Variants in SHISA4 observed in about 807,000 individuals in gnomAD.
The protein encoded by SHISA4 is protein shisa-4.
SHISA4 carries 16 observed loss-of-function variants against 24.2 expected under a neutral mutation model. The ratio of observed to expected loss-of-function variants is 0.66; its 90% CI spans 0.45 to 1.00. SHISA4 has a LOEUF of 1.00. Among genes scored for constraint, SHISA4 ranks in the 50% least tolerant of loss-of-function variants. The pLI, the probability that SHISA4 is intolerant of heterozygous loss-of-function variation, is 0.00. For synonymous variants in SHISA4, 106 were observed against 105.4 expected (o/e 1.01, Z -0.04); for missense variants, 238 against 258.9 (o/e 0.92, Z 0.55).
chr1:201,891,473 C>G lies in SHISA4; in HGVS notation c.452C>G (p.Pro151Arg), dbSNP rs146890618. 26 of 1,613,766 alleles carry G rather than the reference C, an allele frequency of 1.6e-5. No homozygotes were observed. The highest frequency in any genetic ancestry group is 1.6e-4 in the Middle Eastern group (1 of 6,080). ...YPYPQDPKAGPAPPQPGFIYP... is the reference protein window; with the variant it reads ...YPYPQDPKAGRAPPQPGFIYP... ...TACCCCCAGGACCCCAAAGCTGGCCCTGCACCCCCACAGCCTGGCTTCATA... is the reference window on the plus strand; with the variant it reads ...TACCCCCAGGACCCCAAAGCTGGCCGTGCACCCCCACAGCCTGGCTTCATA... The change falls in exon 4 of 5, where the codon CCT becomes CGT. Residue 151 changes from proline to arginine, a missense_variant. By Grantham distance (103) the Pro-to-Arg change is moderately radical. Transcript: ENST00000362011.
chr1:201,891,644 C>A, intron 4 of SHISA4, 76 bp downstream of exon 4: 1 of 1,542,208 alleles, frequency 6.5e-7, no homozygotes, highest in South Asian at 1.2e-5. Flanking sequence ...GTGCCTCTCT[C>A]ATTCTCAGAT....
At chr1:201,890,071 CTT>C (rs1394440443) in intron 2 of SHISA4, among the ~76,000 whole-genome samples, 1 of 151,992 alleles carries the variant, frequency 6.6e-6, no homozygotes. Context: ...GGTTGTCAAA[CTT>C]TTTTTTAATA....
At chr1:201,889,704 C>T (rs1449244568) in intron 2 of SHISA4, 88 bp downstream of exon 2, 2 of 1,451,342 alleles carry the variant, frequency 1.4e-6, no homozygotes, top group African/African-American at 2.8e-5. Context: ...CCTGCCTCCT[C>T]CGTTGTCGAC....
intron 3 of SHISA4, among the ~76,000 whole-genome samples, chr1:201,890,865 T>C (rs1435868595): frequency 6.6e-6 from 1 of 152,160 alleles, no homozygotes; most frequent in Non-Finnish European, 1.5e-5. Context: ...GTGGGTGCAG[T>C]GGGTGTATGC....
chr1:201,889,366 C>T, intron 1 of SHISA4, 79 bp from the exon 2 acceptor site: 1 of 1,575,220 alleles, frequency 6.3e-7, no homozygotes, highest in Admixed American at 1.7e-5. Context: ...GGCTGGGGAC[C>T]GCCGGGGGAG....
chr1:201,890,333 A>G, intron 2 of SHISA4, 121 bp from the exon 3 acceptor site: 2 of 1,358,282 alleles, frequency 1.5e-6, no homozygotes, highest in Non-Finnish European at 2.0e-6. Context: ...GCAGAGCCCC[A>G]CAAGGAACCC....
rs1356602602 is a variant in SHISA4, at chr1:201,891,837, G to A, written c.585G>A (p.Pro195=). The A allele has an allele frequency of 9.3e-6, 15 of 1,613,822 alleles. No homozygotes were observed. Among genetic ancestry groups the A allele is most frequent in the African/African-American group, 4.0e-5 (3 of 74,860 alleles). Residue 195 remains proline (P), a synonymous_variant, in exon 5 of 5, where the codon CCG becomes CCA. Transcript: ENST00000362011. The part of the protein sequence containing the change: ...PPYMPPQPSY[P]GA ...ATATGCCACCACAGCCCTCTTACCC[G>A]GGAGCCTGAGGAACCAGCCATGTCT...
At chr1:201,889,340 T>G in intron 1 of SHISA4, 105 bp from the exon 2 acceptor site, 1 of 1,483,502 alleles carries the variant, frequency 6.7e-7, no homozygotes, top group Non-Finnish European at 9.2e-7. Flanking sequence ...CAACCCTCAG[T>G]GTTCGGGAGC....
Position 201,889,500 on chromosome 1 carries a change from G to C in SHISA4, c.129G>C (p.Pro43=), listed in dbSNP as rs772707436. Reference sequence around the variant, plus strand: ...TGGACCGGAATGGCTCCTGGCATCCGGGGTTTAACTGCGAGTTCTTCACCT... The same window carrying C: ...TGGACCGGAATGGCTCCTGGCATCCCGGGTTTAACTGCGAGTTCTTCACCT... ...WYLDRNGSWH[P]GFNCEFFTFC... The change falls in exon 2 of 5, where the codon CCG becomes CCC. Residue 43 remains proline (P), a synonymous_variant. Coordinates refer to ENST00000362011, the MANE Select transcript of SHISA4 (RefSeq NM_198149.3). 2 of 1,613,902 alleles carry C rather than the reference G, an allele frequency of 1.2e-6. No individual in the cohort carries two copies. Among genetic ancestry groups the C allele is most frequent in the East Asian group, 2.2e-5 (1 of 44,866 alleles).
chr1:201,889,336 TCA>T, intron 1 of SHISA4, 107 bp from the exon 2 acceptor site: 1 of 1,463,896 alleles, frequency 6.8e-7, no homozygotes, highest in South Asian at 1.2e-5. Context: ...GGGGCAACCC[TCA>T]GTGTTCGGGA....
Position 201,889,345 on chromosome 1 carries a change from G to A in SHISA4, c.74-100G>A, listed in dbSNP as rs1189167200. ...AGACAAGGGGCAACCCTCAGTGTTC[G>A]GGAGCCGTCAGGCTGGGGACCGCCG... On this transcript the variant is annotated intron_variant, in intron 1 of 4. Transcript: ENST00000362011. The A allele has an allele frequency of 5.9e-6, 9 of 1,513,488 alleles. No homozygotes were observed. The Admixed American group carries it at 7.0e-5, about 12-fold the overall frequency. The allele number at this position is 1,513,488 out of a possible 1,614,324, so 93.8% of individuals were successfully genotyped here.
chr1:201,889,636 C>T lies in SHISA4; in HGVS notation c.245+20C>T. ...CTTCAGGTGGGTTCCTGCCTCCTCACCCTCACCACCTCCTCTATCCTTTTC... is the reference window on the plus strand; with the variant it reads ...CTTCAGGTGGGTTCCTGCCTCCTCATCCTCACCACCTCCTCTATCCTTTTC... On this transcript the variant is annotated intron_variant, in intron 2 of 4. Transcript: ENST00000362011. The T allele has an allele frequency of 1.2e-6, 2 of 1,612,388 alleles. No individual in the cohort carries two copies. The highest frequency in any genetic ancestry group is 4.5e-5 in the East Asian group (2 of 44,870).
chr1:201,889,617 G>GCAC lies in SHISA4; in HGVS notation c.245+1_245+2insCAC. 1 of 1,612,344 alleles carries GCAC rather than the reference G, an allele frequency of 6.2e-7. No individual in the cohort carries two copies. Among genetic ancestry groups the GCAC allele is most frequent in the African/African-American group, 1.3e-5 (1 of 74,634 alleles). On this transcript the variant is annotated splice_donor_variant, in intron 2 of 4. Coordinates refer to ENST00000362011, the MANE Select transcript of SHISA4 (RefSeq NM_198149.3). LOFTEE classifies it high-confidence loss of function. ...AGCAGAAGCACTGCCTGGCCTTCAG[G>GCAC]TGGGTTCCTGCCTCCTCACCCTCAC...
intron 3 of SHISA4, 57 bp downstream of exon 3, chr1:201,890,644 G>T: frequency 6.3e-7 from 1 of 1,594,762 alleles, no homozygotes; most frequent in Non-Finnish European, 8.5e-7. Flanking sequence ...GTCCAATAAT[G>T]GGCAGCAGAG....
intron 1 of SHISA4, 138 bp downstream of exon 1, chr1:201,889,205 A>G (rs943636721): frequency 1.0e-5 from 10 of 960,948 alleles, no homozygotes; most frequent in Non-Finnish European, 7.5e-6. Context: ...CTGGGTCCTC[A>G]AGAAGCGGGA....
rs1437281118 is a variant in SHISA4, at chr1:201,891,555, C to A, written c.534C>A (p.Val178=). The A allele has an allele frequency of 3.7e-6, 6 of 1,611,160 alleles. No individual in the cohort carries two copies. In the Admixed American group the frequency reaches 1.0e-4, roughly 27 times the overall value. ...CACTCTACCCAGCTGGGCCCCCAGT[C>A]TACAACCCTGCAGGTAAGTAAGCAA... ...QYPLYPAGPP[V]YNPAAPPPYM... is the part of the protein sequence containing the mutation. The change falls in exon 4 of 5, where the codon GTC becomes GTA. Residue 178 remains valine, a synonymous_variant. Coordinates refer to ENST00000362011, the MANE Select transcript of SHISA4 (RefSeq NM_198149.3).
rs1275849804 is a variant in SHISA4, at chr1:201,892,543, G to A, written c.*697G>A. ...CACAGCTCTGAAGAGATGCTCGTTT[G>A]CACTACAGATATTCCCTGCTAGGGA... On this transcript the variant is annotated 3_prime_UTR_variant, in exon 5 of 5. Coordinates refer to ENST00000362011, the MANE Select transcript of SHISA4 (RefSeq NM_198149.3). Among the ~76,000 whole-genome samples, 1 of 152,124 alleles carries A rather than the reference G, an allele frequency of 6.6e-6. No individual in the cohort carries two copies. The highest frequency in any genetic ancestry group is 1.5e-5 in the Non-Finnish European group (1 of 68,028).
Position 201,888,901 on chromosome 1 carries a change from C to T in SHISA4, c.-94C>T, listed in dbSNP as rs937787259. ...GGCGGAAGAGGAGCCCGAGCCTGGC[C>T]GCGGGCTGGGCCCCGCCGCAGCTCC... On this transcript the variant is annotated 5_prime_UTR_variant, in exon 1 of 5. Transcript: ENST00000362011. 1.0e-5 allele frequency: 9 copies of T among 857,192 alleles called. No homozygotes were observed. The highest frequency in any genetic ancestry group is 1.4e-5 in the Non-Finnish European group (9 of 632,050). 53.1% of individuals were successfully genotyped at this position (857,192 alleles called of 1,614,324 possible).
Position 201,889,570 on chromosome 1 carries a change from A to G in SHISA4, c.199A>G (p.Thr67Ala), listed in dbSNP as rs775990199. The G allele has an allele frequency of 6.2e-7, 1 of 1,613,588 alleles. No individual in the cohort carries two copies. Among genetic ancestry groups the G allele is most frequent in the African/African-American group, 1.3e-5 (1 of 74,812 alleles). The change falls in exon 2 of 5, where the codon ACC becomes GCC. Residue 67 changes from threonine (T) to alanine (A), a missense_variant. Physicochemically the swap from Thr to Ala is moderately conservative, Grantham distance 58. Transcript: ENST00000362011. ...CYHRYCCRDL[T>A]LLITERQQKH... ...CCATCGGTACTGCTGCAGGGACCTG[A>G]CCTTGCTTATCACCGAGAGGCAGCA...
Sources: gnomAD v4.1 joint callset for allele counts (sites outside exome capture counted in the v4.1 genomes callset) on GRCh38, gnomAD v4.1.1 for gene constraint, MANE v1.5 for transcripts, NCBI Gene and HGNC (gene_info 2026-07-23, HGNC 2026-07-21) for gene names.